Variants in ATRNL1 observed in about 807,000 individuals in gnomAD.
The protein encoded by ATRNL1 is attractin-like protein 1.
In ATRNL1, 95 loss-of-function variants were observed where a neutral mutation model predicts 182.7. The observed-to-expected ratio is 0.52, with a 90% CI of 0.44 to 0.62. The LOEUF is 0.62. ATRNL1 is among the 20% of genes least tolerant of loss of function. The pLI is 0.00. For missense variants in ATRNL1, 1,471 were observed against 1,679.5 expected, an observed-to-expected ratio of 0.88 and a Z score of 2.17; for synonymous variants, 576 against 568.3, an observed-to-expected ratio of 1.01 and a Z score of -0.19.
At chr10:115,155,624 C>T (rs940275962) in intron 5 of ATRNL1, among the ~76,000 whole-genome samples, 11 of 152,032 alleles carry the variant, frequency 7.2e-5, no homozygotes, top group African/African-American at 2.4e-4. Context: ...ATTCATCCAT[C>T]CATTGATTGA....
At chr10:115,837,259 G>A (rs1353031378) in intron 27 of ATRNL1, among the ~76,000 whole-genome samples, 1 of 151,906 alleles carries the variant, frequency 6.6e-6, no homozygotes, top group Non-Finnish European at 1.5e-5. Context: ...CGTATCTCAG[G>A]TCATGCACAG....
intron 19 of ATRNL1, among the ~76,000 whole-genome samples, chr10:115,344,751 G>A (rs1855902914): frequency 6.6e-6 from 1 of 152,194 alleles, no homozygotes; most frequent in African/African-American, 2.4e-5. Flanking sequence ...TTCACCTGAA[G>A]CCAGCAAGTC....
intron 14 of ATRNL1, 39 bp downstream of exon 14, chr10:115,281,526 A>G: frequency 6.3e-7 from 1 of 1,579,504 alleles, no homozygotes; most frequent in Non-Finnish European, 8.6e-7. Context: ...TTTATGGTCT[A>G]CAGATAAATA....
At chr10:115,894,749 C>G (rs560060388) in intron 28 of ATRNL1, among the ~76,000 whole-genome samples, 7 of 152,278 alleles carry the variant, frequency 4.6e-5, no homozygotes, top group Admixed American at 3.9e-4. Flanking sequence ...AAATCCAACA[C>G]AAATATCTCC....
At chr10:115,839,820 T>C (rs1420268503) in intron 27 of ATRNL1, among the ~76,000 whole-genome samples, 5 of 152,150 alleles carry the variant, frequency 3.3e-5, no homozygotes, top group African/African-American at 1.2e-4. Context: ...ATTTACCTTT[T>C]AAAAAGAATT....
intron 26 of ATRNL1, among the ~76,000 whole-genome samples, chr10:115,555,039 T>G (rs1348669488): frequency 6.6e-6 from 1 of 151,720 alleles, no homozygotes; most frequent in East Asian, 1.9e-4. Flanking sequence ...GTATATGTGT[T>G]TTTATGCTAA....
chr10:115,238,174 A>G (rs1340667632), intron 9 of ATRNL1, among the ~76,000 whole-genome samples: 3 of 152,136 alleles, frequency 2.0e-5, no homozygotes, highest in African/African-American at 7.2e-5. Context: ...AGGTGATGTC[A>G]ATCTTTGACT....
chr10:115,843,066 A>C (rs782170567), intron 27 of ATRNL1, among the ~76,000 whole-genome samples: 6 of 152,078 alleles, frequency 3.9e-5, no homozygotes, highest in Non-Finnish European at 8.8e-5. Context: ...TTATTTCACC[A>C]TGTGACCTCT....
chr10:115,133,449 G>A lies in ATRNL1; in HGVS notation c.829+3914G>A, dbSNP rs557696445. On this transcript the variant is annotated intron_variant, in intron 5 of 28. Coordinates refer to ENST00000355044, the MANE Select transcript of ATRNL1 (RefSeq NM_207303.4). Reference sequence around the variant, plus strand: ...ACCAACAAACATCAAAAGAGATAAAGAAGGCCATTACTTAATGGTAAAGGG... The same window carrying A: ...ACCAACAAACATCAAAAGAGATAAAAAAGGCCATTACTTAATGGTAAAGGG... 7.2e-5 allele frequency among the ~76,000 whole-genome samples: 11 copies of A among 152,026 alleles called. No homozygotes were observed. The South Asian group carries it at 2.3e-3, about 32-fold the overall frequency.
chr10:115,471,852 A>G (rs1288298905), intron 24 of ATRNL1, among the ~76,000 whole-genome samples: 2 of 150,698 alleles, frequency 1.3e-5, no homozygotes, highest in African/African-American at 4.9e-5. Flanking sequence ...TTTTAGTTTG[A>G]TGCAGTCCCA....
At chr10:115,120,706 C>T (rs970938023) in intron 2 of ATRNL1, among the ~76,000 whole-genome samples, 4 of 152,090 alleles carry the variant, frequency 2.6e-5, no homozygotes, top group African/African-American at 9.6e-5. Context: ...GGGCTTGAAA[C>T]AATCTATCTA....
intron 26 of ATRNL1, among the ~76,000 whole-genome samples, chr10:115,551,182 T>C (rs1287911303): frequency 5.9e-5 from 9 of 151,644 alleles, no homozygotes; most frequent in African/African-American, 1.9e-4. Context: ...TTAATATTTG[T>C]TAAAACTAAT....
chr10:115,467,336 T>A (rs1848101824), intron 23 of ATRNL1, 84 bp downstream of exon 23: 4 of 937,648 alleles, frequency 4.3e-6, no homozygotes, highest in Non-Finnish European at 6.3e-6. Context: ...TAATTAAATG[T>A]TTGAAATTTT....
chr10:115,810,486 T>C (rs1950022474), intron 27 of ATRNL1, among the ~76,000 whole-genome samples: 1 of 151,998 alleles, frequency 6.6e-6, no homozygotes. Flanking sequence ...TGATGGTTTT[T>C]ATTTGACCTA....
chr10:115,133,888 G>T (rs539073207), intron 5 of ATRNL1, among the ~76,000 whole-genome samples: 1 of 152,246 alleles, frequency 6.6e-6, no homozygotes, highest in South Asian at 2.1e-4. Context: ...TCAGGATTAA[G>T]AAACTCACTC....
At chr10:115,110,499 C>G (rs1351826644) in intron 1 of ATRNL1, among the ~76,000 whole-genome samples, 2 of 152,144 alleles carry the variant, frequency 1.3e-5, no homozygotes, top group African/African-American at 4.8e-5. Context: ...CTGAATTCTA[C>G]CAACAGTGAA....
intron 27 of ATRNL1, among the ~76,000 whole-genome samples, chr10:115,817,506 A>G (rs562498621): frequency 2.0e-5 from 3 of 152,248 alleles, no homozygotes; most frequent in East Asian, 1.9e-4. Context: ...AAAGTCATTT[A>G]CAATCTAATA....
rs946740680 is a variant in ATRNL1, at chr10:115,492,890, G to A, written c.3654+23561G>A. On this transcript the variant is annotated intron_variant, in intron 24 of 28. Coordinates refer to ENST00000355044, the MANE Select transcript of ATRNL1 (RefSeq NM_207303.4). ...AGTCTCCTGACCTTGTGATCCACCC[G>A]TCTCAGCCTCCCAAAGTACAGGGAT... Among the ~76,000 whole-genome samples, 19 of 151,684 alleles carry A rather than the reference G, an allele frequency of 1.3e-4. No homozygotes were observed. In the East Asian group the frequency reaches 1.5e-3, roughly 12 times the overall value.
intron 6 of ATRNL1, among the ~76,000 whole-genome samples, chr10:115,160,528 CTTT>C (rs1405014355): frequency 6.6e-6 from 1 of 151,308 alleles, no homozygotes; most frequent in Non-Finnish European, 1.5e-5. Context: ...ATTCATGCCA[CTTT>C]TTTTTTTTAA....
Sources: allele counts gnomAD v4.1 joint callset (sites outside exome capture counted in the v4.1 genomes callset), GRCh38; gene constraint gnomAD v4.1.1; transcripts MANE v1.5; gene names NCBI Gene and HGNC (gene_info 2026-07-23, HGNC 2026-07-21).